The following DIP2C variants were observed in gnomAD, a reference collection of about 807,000 sequenced individuals.
DIP2C encodes DIP2 acetate--CoA ligase C (putative), also known as disco-interacting protein 2 homolog C.
DIP2C carries 33 observed loss-of-function variants against 192.4 expected under a neutral mutation model. The observed-to-expected ratio is 0.17, with a 90% confidence interval of 0.13 to 0.23. DIP2C has a LOEUF of 0.23. DIP2C is among the 10% of genes least tolerant of loss of function. The pLI is 1.00. For synonymous variants in DIP2C, 979 were observed against 864.1 expected (o/e 1.13, Z -2.33); for missense variants, 1,537 against 2,110.1 (o/e 0.73, Z 5.32).
chr10:570,701 A>G (rs1849739793), intron 1 of DIP2C, among the ~76,000 whole-genome samples: 1 of 152,212 alleles, frequency 6.6e-6, no homozygotes, highest in Admixed American at 6.5e-5. Context: ...CCAACTGATT[A>G]AAGTCTGTTG....
At chr10:660,757 A>G (rs1856706974) in intron 1 of DIP2C, among the ~76,000 whole-genome samples, 1 of 152,270 alleles carries the variant, frequency 6.6e-6, no homozygotes, top group African/African-American at 2.4e-5. Context: ...TTCTCCTAGC[A>G]TCAAGAGTCA....
chr10:374,197 A>G (rs1055423348), intron 17 of DIP2C, among the ~76,000 whole-genome samples: 2 of 152,172 alleles, frequency 1.3e-5, no homozygotes, highest in African/African-American at 4.8e-5. Context: ...AAGATCATAT[A>G]TTTTCTTTCA....
chr10:586,046 G>C (rs1371579155), intron 1 of DIP2C, among the ~76,000 whole-genome samples: 1 of 152,170 alleles, frequency 6.6e-6, no homozygotes, highest in African/African-American at 2.4e-5. Flanking sequence ...GGCAGAAACG[G>C]CTCAACTCTA....
At chr10:336,635 C>G (rs938702371) in intron 29 of DIP2C, among the ~76,000 whole-genome samples, 2 of 152,194 alleles carry the variant, frequency 1.3e-5, no homozygotes, top group Middle Eastern at 3.2e-3. Flanking sequence ...CAGCATCCTC[C>G]TACTTATAAA....
chr10:473,206 A>C lies in DIP2C; in HGVS notation c.158-657T>G, dbSNP rs182598093. On this transcript the variant is annotated intron_variant, in intron 2 of 36. Coordinates refer to ENST00000280886, the MANE Select transcript of DIP2C (RefSeq NM_014974.3). ...GGTATTGGTCAAAACATTGATGTGA[A>C]TCCACCTGTCACATATTGATTACAT... is the stretch of plus-strand genomic sequence containing the variant. Among the ~76,000 whole-genome samples, 272 of 152,356 alleles carry C rather than the reference A, an allele frequency of 1.8e-3. 1 individual carries two copies. The Middle Eastern group carries it at 0.024, about 13-fold the overall frequency.
intron 31 of DIP2C, among the ~76,000 whole-genome samples, chr10:319,598 A>G (rs1956920391): frequency 6.6e-6 from 1 of 152,170 alleles, no homozygotes; most frequent in Non-Finnish European, 1.5e-5. Context: ...TGTGAGAAAT[A>G]TATTTCCAAA....
At chr10:608,713 A>C (rs1332613350) in intron 1 of DIP2C, among the ~76,000 whole-genome samples, 1 of 39,482 alleles carries the variant, frequency 2.5e-5, no homozygotes, top group Non-Finnish European at 5.1e-5. Flanking sequence ...ACACACACAC[A>C]TCCCCCCACA....
intron 1 of DIP2C, among the ~76,000 whole-genome samples, chr10:611,531 G>A (rs1342299658): frequency 6.6e-6 from 1 of 152,140 alleles, no homozygotes; most frequent in Non-Finnish European, 1.5e-5. Context: ...CATCCTATTT[G>A]TCTCTTACCA....
intron 1 of DIP2C, among the ~76,000 whole-genome samples, chr10:558,776 A>C (rs889638509): frequency 2.0e-5 from 3 of 152,186 alleles, no homozygotes; most frequent in Non-Finnish European, 4.4e-5. Flanking sequence ...TCTGGTAAAT[A>C]TTGATTATTT....
intron 1 of DIP2C, among the ~76,000 whole-genome samples, chr10:645,568 G>C (rs1229120932): frequency 6.6e-6 from 1 of 152,196 alleles, no homozygotes; most frequent in Non-Finnish European, 1.5e-5. Context: ...TTGATGACTT[G>C]ATGGTGGTAT....
At chr10:481,902 C>T (rs562779867) in intron 2 of DIP2C, among the ~76,000 whole-genome samples, 10 of 151,890 alleles carry the variant, frequency 6.6e-5, no homozygotes, top group African/African-American at 2.2e-4. Flanking sequence ...CAAATACCTG[C>T]CCAATGTCCA....
intron 3 of DIP2C, among the ~76,000 whole-genome samples, chr10:454,564 A>C (rs1207982815): frequency 8.3e-6 from 1 of 120,082 alleles, no homozygotes; most frequent in African/African-American, 6.0e-5. Context: ...CAAATGCACC[A>C]TCTATGCTTG....
At chr10:297,230 A>ACCC (rs1955801432) in intron 32 of DIP2C, among the ~76,000 whole-genome samples, 1 of 88,098 alleles carries the variant, frequency 1.1e-5, no homozygotes, top group Non-Finnish European at 2.2e-5. Context: ...ACCCCCCCCC[A>ACCC]CCCCACCACA....
chr10:519,742 C>T (rs1258639433), intron 1 of DIP2C, among the ~76,000 whole-genome samples: 1 of 152,274 alleles, frequency 6.6e-6, no homozygotes, highest in East Asian at 1.9e-4. Flanking sequence ...GTCTCCTGCT[C>T]ATCGCTAACA....
At chr10:521,288 C>T (rs1846691557) in intron 1 of DIP2C, among the ~76,000 whole-genome samples, 1 of 152,166 alleles carries the variant, frequency 6.6e-6, no homozygotes, top group African/African-American at 2.4e-5. Context: ...TGAACACCTC[C>T]CCTGAGGCAT....
intron 4 of DIP2C, among the ~76,000 whole-genome samples, chr10:430,769 CCTTAT>C (rs1303376252): frequency 1.3e-5 from 2 of 152,194 alleles, no homozygotes; most frequent in East Asian, 1.9e-4. Context: ...TAGATTTTTA[CCTTAT>C]CTTCTAAGAA....
chr10:328,065 C>A (rs999607975), intron 30 of DIP2C, among the ~76,000 whole-genome samples: 2 of 152,156 alleles, frequency 1.3e-5, no homozygotes, highest in Non-Finnish European at 2.9e-5. Flanking sequence ...CACCAAAACC[C>A]CAACCGTCAG....
intron 31 of DIP2C, among the ~76,000 whole-genome samples, chr10:314,855 C>G (rs941507127): frequency 6.6e-6 from 1 of 152,334 alleles, no homozygotes; most frequent in Admixed American, 6.5e-5. Flanking sequence ...ATGTCTTATA[C>G]TACTGCATTA....
chr10:299,478 T>C (rs145213091), intron 32 of DIP2C, among the ~76,000 whole-genome samples: 113 of 152,342 alleles, frequency 7.4e-4, no homozygotes, highest in African/African-American at 2.6e-3. Context: ...GTCCCTGCCT[T>C]TAAAAAATAT....
Sources: gnomAD v4.1 joint callset for allele counts (sites outside exome capture counted in the v4.1 genomes callset) on GRCh38, gnomAD v4.1.1 for gene constraint, MANE v1.5 for transcripts, NCBI Gene and HGNC (gene_info 2026-07-23, HGNC 2026-07-21) for gene names.